The following WDPCP variants were observed in gnomAD, a reference collection of about 807,000 sequenced individuals.
The protein encoded by WDPCP is WD repeat-containing and planar cell polarity effector protein fritz homolog.
Under a neutral mutation model 93.1 loss-of-function variants are expected in WDPCP, and 71 were observed. That is an observed-to-expected ratio of 0.76 (90% CI 0.63 to 0.93). WDPCP has a LOEUF of 0.93. Among genes scored for constraint, WDPCP ranks in the 40% least tolerant of loss-of-function variants. The pLI is 0.00. For missense variants in WDPCP, 844 were observed against 887.4 expected, an observed-to-expected ratio of 0.95 and a Z score of 0.62; for synonymous variants, 315 against 315.0, an observed-to-expected ratio of 1.00 and a Z score of 0.00.
intron 1 of WDPCP, among the ~76,000 whole-genome samples, chr2:63,513,208 T>G (rs1291036515): frequency 6.6e-6 from 1 of 152,184 alleles, no homozygotes; most frequent in Non-Finnish European, 1.5e-5. Flanking sequence ...TAAAGGCAAT[T>G]ATTTACTGCA....
intron 9 of WDPCP, among the ~76,000 whole-genome samples, chr2:63,410,543 G>T (rs1486644753): frequency 6.6e-6 from 1 of 152,144 alleles, no homozygotes; most frequent in Non-Finnish European, 1.5e-5. Context: ...TCACATTTCA[G>T]TACTAACATT....
intron 14 of WDPCP, among the ~76,000 whole-genome samples, chr2:63,190,773 T>C (rs1674982303): frequency 6.6e-6 from 1 of 151,870 alleles, no homozygotes; most frequent in Non-Finnish European, 1.5e-5. Context: ...CAAAGCTTAA[T>C]GTCTTAAACT....
chr2:63,812,888 T>A (rs1670882550), intron 2 of WDPCP, among the ~76,000 whole-genome samples: 1 of 152,100 alleles, frequency 6.6e-6, no homozygotes, highest in South Asian at 2.1e-4. Context: ...ACTTTATTTT[T>A]TTTTTTTTAG....
intron 12 of WDPCP, among the ~76,000 whole-genome samples, chr2:63,373,748 GTTAAT>G (rs1303127411): frequency 6.6e-6 from 1 of 151,862 alleles, no homozygotes; most frequent in East Asian, 1.9e-4. Flanking sequence ...CATCTTTGGG[GTTAAT>G]TTTTTTTCTT....
At position 63,259,395 on chromosome 2, in the gene WDPCP, AAGG is replaced by A. The variant is rs1681419519; in HGVS notation, c.1824_1826del (p.Leu609del). The A allele has an allele frequency of 6.2e-7, 1 of 1,611,336 alleles. No homozygotes were observed. The highest frequency in any genetic ancestry group is 2.2e-5 in the East Asian group (1 of 44,760). On this transcript the variant is annotated inframe_deletion, in exon 14 of 18. Transcript: ENST00000272321. ...GTGCCAATTCACCTTTATCTAGTGCAAGGTAATGAATATCCTGAGGAAATAAAG... is the reference window on the plus strand; with the variant it reads ...GTGCCAATTCACCTTTATCTAGTGCATAATGAATATCCTGAGGAAATAAAG...
At chr2:63,197,329 C>A (rs892025397) in intron 14 of WDPCP, among the ~76,000 whole-genome samples, 3 of 152,032 alleles carry the variant, frequency 2.0e-5, no homozygotes, top group African/African-American at 7.2e-5. Context: ...TAACATAAAA[C>A]ATATGTTAAT....
intron 12 of WDPCP, among the ~76,000 whole-genome samples, chr2:63,348,758 C>G (rs1403880719): frequency 1.3e-5 from 2 of 151,984 alleles, no homozygotes; most frequent in Admixed American, 6.6e-5. Context: ...TTAATGGCAG[C>G]AAGTATATTT....
At position 63,484,658 on chromosome 2, in the gene WDPCP, C is replaced by T. The variant is rs1700458713; in HGVS notation, c.330G>A (p.Leu110=). Residue 110 remains leucine, a synonymous_variant, in exon 6 of 18, where the codon CTG becomes CTA. Coordinates refer to ENST00000272321, the MANE Select transcript of WDPCP (RefSeq NM_015910.7). ...LRDSLKELEE[L]MQNSRCVLSK... ...TCAGCACACACCGACTGTTTTGCAT[C>T]AGCTCCTGAAGCACAACAGAAAAAG... is the stretch of plus-strand genomic sequence containing the variant. 6.2e-7 allele frequency: 1 copy of T among 1,612,728 alleles called. No individual in the cohort carries two copies.
At chr2:63,697,839 G>C (rs1258201617) in intron 2 of WDPCP, among the ~76,000 whole-genome samples, 8 of 151,898 alleles carry the variant, frequency 5.3e-5, no homozygotes. Flanking sequence ...GTAGAGATGG[G>C]GTTTTGCCAT....
At chr2:63,613,133 C>A (rs1430137410) in intron 3 of WDPCP, among the ~76,000 whole-genome samples, 1 of 152,158 alleles carries the variant, frequency 6.6e-6, no homozygotes, top group African/African-American at 2.4e-5. Flanking sequence ...GAATGCTCTT[C>A]TCTGCTTCTC....
At chr2:63,307,757 A>G (rs1685854100) in intron 13 of WDPCP, among the ~76,000 whole-genome samples, 1 of 152,220 alleles carries the variant, frequency 6.6e-6, no homozygotes, top group Non-Finnish European at 1.5e-5. Flanking sequence ...TGTAAGACCT[A>G]AAACCATAAA....
intron 13 of WDPCP, among the ~76,000 whole-genome samples, chr2:63,299,242 G>C (rs1468129737): frequency 6.6e-6 from 1 of 152,190 alleles, no homozygotes; most frequent in Non-Finnish European, 1.5e-5. Context: ...GCTTATGAAG[G>C]AGGACCATCC....
intron 2 of WDPCP, among the ~76,000 whole-genome samples, chr2:63,700,725 C>T (rs1464372272): frequency 2.0e-5 from 3 of 152,142 alleles, no homozygotes; most frequent in Non-Finnish European, 4.4e-5. Flanking sequence ...CATGTATTTA[C>T]AGCCAACTCA....
intron 3 of WDPCP, among the ~76,000 whole-genome samples, chr2:63,620,532 T>C (rs1157451903): frequency 6.6e-6 from 1 of 152,084 alleles, no homozygotes; most frequent in South Asian, 2.1e-4. Flanking sequence ...GTCAGGGGCT[T>C]ACAGATAAAA....
chr2:63,151,467 C>T (rs1671881520), intron 17 of WDPCP, among the ~76,000 whole-genome samples: 1 of 152,174 alleles, frequency 6.6e-6, no homozygotes, highest in Admixed American at 6.5e-5. Context: ...TTATGCAATC[C>T]ACCTTCCTTA....
At chr2:63,582,015 G>T (rs1045988034) in intron 1 of WDPCP, among the ~76,000 whole-genome samples, 1 of 150,406 alleles carries the variant, frequency 6.6e-6, no homozygotes, top group African/African-American at 2.4e-5. Context: ...AAAAAGAAAT[G>T]TAATATTCGC....
At chr2:63,745,016 C>A (rs114662007) in intron 2 of WDPCP, among the ~76,000 whole-genome samples, 3,757 of 152,190 alleles carry the variant, frequency 0.025, 157 homozygotes, top group African/African-American at 0.085. Context: ...AGTGCTTCTG[C>A]AGATCTTTTT....
At chr2:63,303,970 CAAAA>C (rs34553510) in intron 13 of WDPCP, among the ~76,000 whole-genome samples, 1 of 131,360 alleles carries the variant, frequency 7.6e-6, no homozygotes, top group Non-Finnish European at 1.6e-5. Context: ...AGTAAAAAGT[CAAAA>C]AAAAAAAAAA....
In WDPCP at chr2:63,452,845, C is replaced by G. The variant is rs182903416; in HGVS notation, c.385-12974G>C. On this transcript the variant is annotated intron_variant, in intron 6 of 17. Transcript: ENST00000272321. ...CTGACAAAAACAAGAAATGGGGAAA[C>G]AACTCCCTATTTAATAAATGGTGCT... is the stretch of plus-strand genomic sequence containing the variant. Among the ~76,000 whole-genome samples, 4 of 152,162 alleles carry G rather than the reference C, an allele frequency of 2.6e-5. No homozygotes were observed. In the East Asian group the frequency reaches 5.8e-4, roughly 22 times the overall value.
Sources: allele counts gnomAD v4.1 joint callset (sites outside exome capture counted in the v4.1 genomes callset), GRCh38; gene constraint gnomAD v4.1.1; transcripts MANE v1.5; gene names NCBI Gene and HGNC (gene_info 2026-07-23, HGNC 2026-07-21).